CFAP299: variants seen among roughly 807,000 people sequenced by gnomAD.
The protein encoded by CFAP299 is cilia- and flagella-associated protein 299.
A neutral mutation model predicts 27.0 loss-of-function variants in CFAP299; 21 were observed. The ratio of observed to expected loss-of-function variants is 0.78; its 90% CI spans 0.55 to 1.12. The LOEUF (loss-of-function observed/expected upper bound fraction) is 1.12, where lower values mean the gene tolerates loss of function less well. CFAP299 is among the 50% of genes most tolerant of loss of function. CFAP299 has a pLI of 0.00. For synonymous variants in CFAP299, 104 were observed against 98.1 expected, an observed-to-expected ratio of 1.06 and a Z score of -0.36; for missense variants, 310 against 276.6, an observed-to-expected ratio of 1.12 and a Z score of -0.86.
intron 3 of CFAP299, among the ~76,000 whole-genome samples, chr4:80,812,826 G>T (rs1729224740): frequency 6.6e-6 from 1 of 152,032 alleles, no homozygotes; most frequent in South Asian, 2.1e-4. Flanking sequence ...AAATATGGTT[G>T]AGATTTCTAT....
At chr4:80,938,249 A>G (rs1395881119) in intron 4 of CFAP299, among the ~76,000 whole-genome samples, 1 of 152,186 alleles carries the variant, frequency 6.6e-6, no homozygotes, top group African/African-American at 2.4e-5. Context: ...GGCCGTAAAC[A>G]AAAGCTGGGC....
intron 3 of CFAP299, among the ~76,000 whole-genome samples, chr4:80,768,366 C>G (rs928812249): frequency 2.6e-5 from 4 of 151,854 alleles, no homozygotes; most frequent in Admixed American, 1.3e-4. Flanking sequence ...TCCACAACAC[C>G]AGGAAAAAAA....
rs1302210106 is a variant in CFAP299 at position 80,634,173 on chromosome 4, G to A, written c.333+50990G>A. Among the ~76,000 whole-genome samples the A allele has an allele frequency of 2.0e-5, 3 of 151,820 alleles. No individual in the cohort carries two copies. The East Asian group carries it at 5.8e-4, about 29-fold the overall frequency. ...AATTTTTTGTATTTTTAGTAGAGAT[G>A]GGGTTTCACCATGTTGACCAGGCTG... On this transcript the variant is annotated intron_variant, in intron 3 of 5. Coordinates refer to ENST00000358105, the MANE Select transcript of CFAP299 (RefSeq NM_152770.3).
At chr4:80,345,988 C>T (rs1722707530) in intron 1 of CFAP299, among the ~76,000 whole-genome samples, 2 of 152,186 alleles carry the variant, frequency 1.3e-5, no homozygotes. Flanking sequence ...GAGATGGTAT[C>T]TCATTATGGT....
chr4:80,574,840 A>T (rs561482756), intron 2 of CFAP299, among the ~76,000 whole-genome samples: 44 of 152,078 alleles, frequency 2.9e-4, no homozygotes, highest in Admixed American at 1.9e-3. Flanking sequence ...TCTTTTTCAT[A>T]TGTTGTTGAA....
At chr4:80,799,892 A>T (rs867455848) in intron 3 of CFAP299, among the ~76,000 whole-genome samples, 792 of 38,190 alleles carry the variant, frequency 0.021, 19 homozygotes, top group African/African-American at 0.034. Flanking sequence ...ATAATATATA[A>T]ATTATATATT....
chr4:80,955,454 G>GA (rs1371404086), intron 5 of CFAP299, among the ~76,000 whole-genome samples: 1 of 152,168 alleles, frequency 6.6e-6, no homozygotes, highest in Admixed American at 6.5e-5. Flanking sequence ...CTCAATGAAT[G>GA]AAAATTGCTT....
intron 3 of CFAP299, among the ~76,000 whole-genome samples, chr4:80,628,323 AAAATCAACT>A (rs1214363120): frequency 6.6e-6 from 1 of 152,150 alleles, no homozygotes; most frequent in African/African-American, 2.4e-5. Context: ...ACCATATATA[AAAATCAACT>A]TAAAATGGAT....
At chr4:80,910,924 C>T (rs142110786) in intron 4 of CFAP299, among the ~76,000 whole-genome samples, 1 of 152,170 alleles carries the variant, frequency 6.6e-6, no homozygotes, top group African/African-American at 2.4e-5. Flanking sequence ...TCAGTATACA[C>T]TATTGGAAAT....
At position 80,450,888 on chromosome 4, in the gene CFAP299, C is replaced by CGTGTGTGT. The variant is rs35096997; in HGVS notation, c.242+88020_242+88027dup. ...AATTTAAAAAATAATGGATTAATAC[C>CGTGTGTGT]GTGTGTGTGTGTGTGTGTGTGTGAG... On this transcript the variant is annotated intron_variant, in intron 2 of 5. Transcript: ENST00000358105. Among the ~76,000 whole-genome samples the CGTGTGTGT allele has an allele frequency of 2.3e-3, 339 of 145,698 alleles. 3 individuals are homozygous for CGTGTGTGT. The highest frequency in any genetic ancestry group is 7.7e-3 in the African/African-American group (307 of 39,830).
chr4:80,716,381 C>CTA (rs577268443), intron 3 of CFAP299, among the ~76,000 whole-genome samples: 23 of 149,570 alleles, frequency 1.5e-4, no homozygotes, highest in East Asian at 7.8e-4. Flanking sequence ...TTGATATATT[C>CTA]TATATATATA....
chr4:80,674,362 T>C (rs1719251113), intron 3 of CFAP299, among the ~76,000 whole-genome samples: 1 of 152,232 alleles, frequency 6.6e-6, no homozygotes. Flanking sequence ...CACTCTCTTC[T>C]GGCTTATAGA....
intron 3 of CFAP299, among the ~76,000 whole-genome samples, chr4:80,821,966 A>G (rs1578156426): frequency 6.6e-6 from 1 of 152,014 alleles, no homozygotes; most frequent in Non-Finnish European, 1.5e-5. Context: ...GGGCCTGCTG[A>G]CCTGCCAAGA....
At chr4:80,424,971 A>G (rs922670795) in intron 2 of CFAP299, among the ~76,000 whole-genome samples, 1 of 152,122 alleles carries the variant, frequency 6.6e-6, no homozygotes, top group Non-Finnish European at 1.5e-5. Context: ...AATGGTGTCC[A>G]TTACTTCCAG....
intron 1 of CFAP299, among the ~76,000 whole-genome samples, chr4:80,344,781 A>G (rs1281516004): frequency 2.0e-5 from 3 of 152,178 alleles, no homozygotes; most frequent in African/African-American, 7.2e-5. Context: ...TACATAAGAA[A>G]CCTTATCCAT....
intron 2 of CFAP299, among the ~76,000 whole-genome samples, chr4:80,526,510 TC>T (rs1295073861): frequency 1.3e-5 from 2 of 152,166 alleles, no homozygotes. Context: ...GATGTTTTTT[TC>T]TTAACAATTA....
chr4:80,886,556 G>A (rs1578212690), intron 4 of CFAP299, among the ~76,000 whole-genome samples: 1 of 152,168 alleles, frequency 6.6e-6, no homozygotes, highest in Admixed American at 6.5e-5. Flanking sequence ...CAGCACGATT[G>A]GGCTTGGGGC....
chr4:80,791,986 A>G (rs912150140), intron 3 of CFAP299, among the ~76,000 whole-genome samples: 4 of 151,944 alleles, frequency 2.6e-5, no homozygotes, highest in African/African-American at 9.7e-5. Context: ...GCAAATGGCT[A>G]CTAAATAAAA....
intron 3 of CFAP299, among the ~76,000 whole-genome samples, chr4:80,652,205 G>T (rs1740338221): frequency 6.6e-6 from 1 of 152,016 alleles, no homozygotes; most frequent in Non-Finnish European, 1.5e-5. Flanking sequence ...CTTTAATGTT[G>T]CCAGAATATT....
Sources: gnomAD v4.1 joint callset for allele counts (sites outside exome capture counted in the v4.1 genomes callset) on GRCh38, gnomAD v4.1.1 for gene constraint, MANE v1.5 for transcripts, NCBI Gene and HGNC (gene_info 2026-07-23, HGNC 2026-07-21) for gene names.